CROCC2: variants seen among roughly 807,000 people sequenced by gnomAD.
CROCC2 encodes the protein ciliary rootlet coiled-coil, rootletin family member 2.
Under a neutral mutation model 177.6 loss-of-function variants are expected in CROCC2, and 163 were observed. That is an observed-to-expected ratio of 0.92 (90% CI 0.81 to 1.05). The LOEUF (loss-of-function observed/expected upper bound fraction) is 1.05, where lower values mean the gene tolerates loss of function less well. Ranked by LOEUF, CROCC2 falls within the 50% of genes least tolerant of loss-of-function variation. The pLI is 0.00. For synonymous variants in CROCC2, 904 were observed against 787.3 expected (o/e 1.15, Z -2.48); for missense variants, 1,929 against 1,797.8 (o/e 1.07, Z -1.32).
chr2:240,992,624 T>C (rs2059887768), intron 31 of CROCC2, among the ~76,000 whole-genome samples: 1 of 152,218 alleles, frequency 6.6e-6, no homozygotes, highest in African/African-American at 2.4e-5. Flanking sequence ...AAGAGCTTGG[T>C]GACCCATGAG....
rs1225175913 is a variant in CROCC2, at chr2:240,953,031, C to T, written c.2829+2521C>T. Among the ~76,000 whole-genome samples, 1 of 152,174 alleles carries T rather than the reference C, an allele frequency of 6.6e-6. No homozygotes were observed. Among genetic ancestry groups the T allele is most frequent in the Non-Finnish European group, 1.5e-5 (1 of 68,036 alleles). ...GCCCCTCATTCCCATCCGAGACCAA[C>T]CACTGGGCAACGTGGCCTGTTCTCA... On this transcript the variant is annotated intron_variant, in intron 18 of 31. Transcript: ENST00000690015. The surrounding 1 kb of genome is among the most constrained non-coding windows in gnomAD (Gnocchi z 4.0).
chr2:240,911,315 T>TTTC (rs71049533), intron 1 of CROCC2, among the ~76,000 whole-genome samples: 11 of 150,016 alleles, frequency 7.3e-5, no homozygotes, highest in Non-Finnish European at 1.0e-4. Flanking sequence ...TTTTTTTTTT[T>TTTC]AGACAGAGTT....
intron 14 of CROCC2, among the ~76,000 whole-genome samples, chr2:240,939,100 TTGATGTTTCACCATTAAATA>T (rs2059483807): frequency 6.6e-6 from 1 of 152,170 alleles, no homozygotes. Context: ...GGGAAATAAT[TTGATGTTTCACCATTAAATA>T]TGATGTTATC....
rs1188844873 is a variant in CROCC2 at position 240,988,832 on chromosome 2, G to A, written c.4645G>A (p.Glu1549Lys). ...LDQSLNSLHQEVDGALRQNQQ... is the reference protein window; with the variant it reads ...LDQSLNSLHQKVDGALRQNQQ... ...CCAGTCTCTGAACAGCCTGCACCAG[G>A]AGGTGGACGGAGCCCTGAGGCAAAA... The change falls in exon 29 of 32, where the codon GAG becomes AAG. Residue 1549 changes from glutamate (E) to lysine (K), a missense_variant. By Grantham distance (56) the Glu-to-Lys change is moderately conservative. Coordinates refer to ENST00000690015, the MANE Select transcript of CROCC2 (RefSeq NM_001351305.2). 1 of 1,505,578 alleles carries A rather than the reference G, an allele frequency of 6.6e-7. No individual in the cohort carries two copies. 93.3% of individuals were successfully genotyped at this position (1,505,578 alleles called of 1,614,324 possible).
At chr2:240,910,091 A>T (rs2059277770) in intron 1 of CROCC2, among the ~76,000 whole-genome samples, 1 of 152,082 alleles carries the variant, frequency 6.6e-6, no homozygotes, top group African/African-American at 2.4e-5. Flanking sequence ...GCACCCCAGA[A>T]TGCCCCCACC....
intron 4 of CROCC2, among the ~76,000 whole-genome samples, chr2:240,923,310 T>G (rs938733195): frequency 4.0e-4 from 61 of 151,842 alleles, no homozygotes; most frequent in African/African-American, 1.4e-3. Flanking sequence ...ATTAGGACCC[T>G]GGCAACAGAC....
At chr2:240,971,306 C>A (rs532304158) in intron 27 of CROCC2, among the ~76,000 whole-genome samples, 20 of 152,188 alleles carry the variant, frequency 1.3e-4, no homozygotes, top group Non-Finnish European at 2.6e-4. Flanking sequence ...AACGTCAGGG[C>A]CAGAGCTCAC....
At chr2:240,943,484 T>G (rs2059505411) in intron 14 of CROCC2, among the ~76,000 whole-genome samples, 1 of 123,700 alleles carries the variant, frequency 8.1e-6, no homozygotes, top group East Asian at 3.7e-4. Context: ...AGCTAAAGCT[T>G]TTTTTTTTTT....
chr2:240,962,484 G>C lies in CROCC2; in HGVS notation c.3088-1072G>C, dbSNP rs572399830. Reference sequence around the variant, plus strand: ...CAGCACGGTCATGGCTCCCACGTGTGGGGGTGGAGGGGAGCGGAGGGGAGG... The same window carrying C: ...CAGCACGGTCATGGCTCCCACGTGTCGGGGTGGAGGGGAGCGGAGGGGAGG... On this transcript the variant is annotated intron_variant, in intron 20 of 31. Coordinates refer to ENST00000690015, the MANE Select transcript of CROCC2 (RefSeq NM_001351305.2). Among the ~76,000 whole-genome samples, 18 of 152,314 alleles carry C rather than the reference G, an allele frequency of 1.2e-4. No individual in the cohort carries two copies. The South Asian group carries it at 1.9e-3, about 16-fold the overall frequency.
rs549696306 is a variant in CROCC2, at chr2:240,936,443, G to A, written c.2169+855G>A. 7.9e-5 allele frequency among the ~76,000 whole-genome samples: 12 copies of A among 152,284 alleles called. No individual in the cohort carries two copies. The East Asian group carries it at 1.9e-3, about 24-fold the overall frequency. On this transcript the variant is annotated intron_variant, in intron 14 of 31. Transcript: ENST00000690015. ...CCTTATAAATGGAGCCATGCAGTGT[G>A]GACGCTTTTGTGTCCAGCTTCTCTC...
At chr2:240,942,860 C>CT (rs547057404) in intron 14 of CROCC2, among the ~76,000 whole-genome samples, 5 of 151,830 alleles carry the variant, frequency 3.3e-5, no homozygotes, top group African/African-American at 4.8e-5. Context: ...TATTTATTGT[C>CT]TTTTTTTTAT....
intron 5 of CROCC2, among the ~76,000 whole-genome samples, chr2:240,929,200 T>C (rs1353707159): frequency 6.6e-6 from 1 of 152,156 alleles, no homozygotes; most frequent in Admixed American, 6.5e-5. Flanking sequence ...ATCTAATACC[T>C]GAAGTTCTTC....
At position 240,947,015 on chromosome 2, in the gene CROCC2, T is replaced by C. The variant is rs1214048933; in HGVS notation, c.2363+762T>C. ...GTGTGTAGGCTGTTGCCTGGTGATC[T>C]GAATGGGTCCTGCAGCCTCTGCAGA... On this transcript the variant is annotated intron_variant, in intron 15 of 31. Coordinates refer to ENST00000690015, the MANE Select transcript of CROCC2 (RefSeq NM_001351305.2). Among the ~76,000 whole-genome samples the C allele has an allele frequency of 2.6e-5, 4 of 152,370 alleles. No homozygotes were observed. The East Asian group carries it at 7.7e-4, about 29-fold the overall frequency.
At chr2:240,954,219 C>T (rs2059575308) in intron 18 of CROCC2, among the ~76,000 whole-genome samples, 1 of 152,214 alleles carries the variant, frequency 6.6e-6, no homozygotes, top group South Asian at 2.1e-4. Flanking sequence ...GTTGTCCTTT[C>T]TCTTTGATTC....
Position 240,965,950 on chromosome 2 carries a change from G to C in CROCC2, c.3918G>C (p.Gln1306His). 2 of 1,400,348 alleles carry C rather than the reference G, an allele frequency of 1.4e-6. No homozygotes were observed. Among genetic ancestry groups the C allele is most frequent in the South Asian group, 1.7e-5 (1 of 58,666 alleles). 86.7% of individuals were successfully genotyped at this position (1,400,348 alleles called of 1,614,324 possible). The change falls in exon 24 of 32, where the codon CAG becomes CAC. Residue 1306 changes from glutamine to histidine, a missense_variant. Transcript: ENST00000690015. Reference protein sequence around the residue: ...TLRRGLGLQRQSPWASPEQPG... With the variant: ...TLRRGLGLQRHSPWASPEQPG... ...GCCGTGGCCTGGGGCTCCAGAGACA[G>C]AGCCCGTGGGCCTCCCCGGAGCAGC...
rs2059725094 is a variant in CROCC2, at chr2:240,972,114, G to A, written c.4401+3852G>A. On this transcript the variant is annotated intron_variant, in intron 27 of 31. Coordinates refer to ENST00000690015, the MANE Select transcript of CROCC2 (RefSeq NM_001351305.2). This position sits in a 1 kb window ranked among gnomAD's most constrained non-coding sequence, Gnocchi z 7.1. ...TTTTCTCAAACCCCAGTGGATACTA[G>A]TTTTGTGATTTTTTTCCTTTGCGTG... Among the ~76,000 whole-genome samples, 1 of 152,266 alleles carries A rather than the reference G, an allele frequency of 6.6e-6. No individual in the cohort carries two copies. The highest frequency in any genetic ancestry group is 2.1e-4 in the South Asian group (1 of 4,822).
intron 18 of CROCC2, 138 bp downstream of exon 18, chr2:240,950,648 C>A: frequency 1.2e-6 from 1 of 856,308 alleles, no homozygotes; most frequent in Non-Finnish European, 1.8e-6. Flanking sequence ...TCCATCCATC[C>A]AACCATCCGT....
intron 2 of CROCC2, 41 bp from the exon 3 acceptor site, chr2:240,919,942 G>T (rs1351540644): frequency 2.8e-6 from 2 of 713,348 alleles, no homozygotes; most frequent in Non-Finnish European, 5.2e-6. Flanking sequence ...GTGTGGGTGG[G>T]CCCTGGTCTG....
chr2:240,967,650 C>T, intron 26 of CROCC2, 185 bp downstream of exon 26: 2 of 901,880 alleles, frequency 2.2e-6, no homozygotes, highest in South Asian at 5.1e-5. Context: ...TCGGAGTTCT[C>T]AGCAGCGACT....
Sources: gnomAD v4.1 joint callset for allele counts (sites outside exome capture counted in the v4.1 genomes callset) on GRCh38, gnomAD v4.1.1 for gene constraint, Gnocchi (gnomAD v3.1) non-coding constraint, MANE v1.5 for transcripts, NCBI Gene and HGNC (gene_info 2026-07-23, HGNC 2026-07-21) for gene names.